The following UBL7 variants were observed in gnomAD, a reference collection of about 807,000 sequenced individuals.
UBL7 encodes ubiquitin-like protein 7.
UBL7 carries 21 observed loss-of-function variants against 41.7 expected under a neutral mutation model. The observed-to-expected ratio is 0.50, with a 90% CI of 0.36 to 0.73. UBL7 has a LOEUF of 0.73. UBL7 is among the 30% of genes least tolerant of loss of function. The pLI, the probability that UBL7 is intolerant of heterozygous loss-of-function variation, is 0.00. For synonymous variants in UBL7, 157 were observed against 186.9 expected (o/e 0.84, Z 1.31); for missense variants, 403 against 478.4 (o/e 0.84, Z 1.47).
chr15:74,452,183 G>T, intron 4 of UBL7, 113 bp downstream of exon 4: 1 of 1,123,642 alleles, frequency 8.9e-7, no homozygotes, highest in Non-Finnish European at 1.3e-6. Flanking sequence ...AACTCCCCAA[G>T]GAACTCTTGG....
intron 6 of UBL7, 90 bp from the exon 7 acceptor site, chr15:74,450,159 G>GCAGC (rs2141314436): frequency 7.1e-7 from 1 of 1,414,570 alleles, no homozygotes; most frequent in Admixed American, 2.6e-5. Context: ...TCACAACAAT[G>GCAGC]CAGCCACCTG....
chr15:74,459,890 G>C (rs918268733), intron 1 of UBL7, among the ~76,000 whole-genome samples: 1 of 123,358 alleles, frequency 8.1e-6, no homozygotes, highest in South Asian at 2.7e-4. Flanking sequence ...CCAAGATCAC[G>C]TCACTGCACT....
In UBL7 at chr15:74,446,356, A is replaced by G; in HGVS notation, c.1006-129T>C. On this transcript the variant is annotated intron_variant, in intron 10 of 10. Transcript: ENST00000395081. This position sits in a 1 kb window ranked among gnomAD's most constrained non-coding sequence, Gnocchi z 4.1. Reference sequence around the variant, plus strand: ...AGCAAAGCTGCTGATGCTGAGTTCCACAGAACACGGTGCTTCTAGGAAGAC... The same window carrying G: ...AGCAAAGCTGCTGATGCTGAGTTCCGCAGAACACGGTGCTTCTAGGAAGAC... 8.3e-7 allele frequency: 1 copy of G among 1,200,552 alleles called. No individual in the cohort carries two copies. The highest frequency in any genetic ancestry group is 1.5e-5 in the South Asian group (1 of 67,092). 74.4% of individuals were successfully genotyped at this position (1,200,552 alleles called of 1,614,324 possible).
intron 2 of UBL7, 87 bp downstream of exon 2, chr15:74,458,597 G>T: frequency 8.5e-7 from 1 of 1,179,036 alleles, no homozygotes; most frequent in Non-Finnish European, 1.2e-6. Flanking sequence ...CAAATCCCAA[G>T]CCCTTACTTT....
chr15:74,453,042 C>T (rs1198324958), intron 3 of UBL7, among the ~76,000 whole-genome samples: 1 of 152,130 alleles, frequency 6.6e-6, no homozygotes, highest in Non-Finnish European at 1.5e-5. Flanking sequence ...TATGGTTATC[C>T]TCACGAAGGA....
At chr15:74,452,429 C>T (rs1243599840) in intron 3 of UBL7, 51 bp from the exon 4 acceptor site, 2 of 1,524,994 alleles carry the variant, frequency 1.3e-6, no homozygotes, top group East Asian at 2.5e-5. Flanking sequence ...CCTGTCTCTG[C>T]CACAGACATG....
Position 74,446,295 on chromosome 15 carries a change from C to T in UBL7, c.1006-68G>A. The T allele has an allele frequency of 6.3e-7, 1 of 1,582,252 alleles. No individual in the cohort carries two copies. The highest frequency in any genetic ancestry group is 1.8e-5 in the Admixed American group (1 of 57,070). ...CAGTGAAGACTCACTTAGGTCTGTG[C>T]TTTCCGGGGAAGGAAAGGAAGATGG... On this transcript the variant is annotated intron_variant, in intron 10 of 10. Transcript: ENST00000395081. This position sits in a 1 kb window ranked among gnomAD's most constrained non-coding sequence, Gnocchi z 4.1.
chr15:74,453,985 G>A (rs2061272427), intron 3 of UBL7, among the ~76,000 whole-genome samples: 1 of 152,218 alleles, frequency 6.6e-6, no homozygotes, highest in Admixed American at 6.5e-5. Flanking sequence ...TAAGAGCCAT[G>A]GCTGTCACTG....
chr15:74,455,729 T>C (rs1179383402), intron 3 of UBL7, among the ~76,000 whole-genome samples: 3 of 152,106 alleles, frequency 2.0e-5, no homozygotes. Flanking sequence ...AAGCCAGGAA[T>C]GGTGCCTGTA....
chr15:74,454,340 A>G (rs979017049), intron 3 of UBL7, among the ~76,000 whole-genome samples: 10 of 152,330 alleles, frequency 6.6e-5, no homozygotes, highest in Admixed American at 3.3e-4. Context: ...TGCTCAGTAC[A>G]GAGAGAAGAA....
intron 7 of UBL7, 64 bp from the exon 8 acceptor site, chr15:74,449,739 T>A: frequency 6.2e-7 from 1 of 1,602,932 alleles, no homozygotes; most frequent in Non-Finnish European, 8.5e-7. Context: ...CTCCAGAATC[T>A]CAGCTCAAGT....
chr15:74,449,414 C>T, intron 8 of UBL7, 61 bp from the exon 9 acceptor site: 5 of 1,586,762 alleles, frequency 3.2e-6, no homozygotes, highest in Admixed American at 3.5e-5. Context: ...AGATGAACTC[C>T]ACCCACCTCC....
intron 10 of UBL7, among the ~76,000 whole-genome samples, 164 bp downstream of exon 10, chr15:74,448,314 T>G (rs1171633354): frequency 1.3e-5 from 2 of 152,074 alleles, no homozygotes; most frequent in African/African-American, 2.4e-5. Flanking sequence ...GGTCTGAGAG[T>G]GTGCCCTTGC....
intron 10 of UBL7, among the ~76,000 whole-genome samples, chr15:74,447,298 G>A (rs942901475): frequency 9.2e-5 from 14 of 152,320 alleles, no homozygotes; most frequent in African/African-American, 2.6e-4. Context: ...TTACTATGTG[G>A]AATAGAGGAA....
chr15:74,460,613 C>A (rs1407611532), intron 1 of UBL7: 2 of 1,136,202 alleles, frequency 1.8e-6, no homozygotes, highest in Non-Finnish European at 2.3e-6. Context: ...CACCCCAATT[C>A]TTGAATGCCC....
At chr15:74,454,395 AG>A (rs1333895015) in intron 3 of UBL7, among the ~76,000 whole-genome samples, 1 of 151,552 alleles carries the variant, frequency 6.6e-6, no homozygotes, top group Non-Finnish European at 1.5e-5. Context: ...AGAGGATATT[AG>A]AAAGGACTTT....
chr15:74,460,206 C>A (rs909434926), intron 1 of UBL7, among the ~76,000 whole-genome samples: 2 of 152,138 alleles, frequency 1.3e-5, no homozygotes. Flanking sequence ...AGCGCCACTG[C>A]ACTCCAGCTT....
chr15:74,460,532 C>T (rs2061338811), intron 1 of UBL7: 1 of 451,810 alleles, frequency 2.2e-6, no homozygotes. Flanking sequence ...CCTCAGTCCC[C>T]TCTCTTTCCT....
At chr15:74,448,375 T>G (rs1267204608) in intron 10 of UBL7, 103 bp downstream of exon 10, 77 of 1,542,430 alleles carry the variant, frequency 5.0e-5, no homozygotes, top group Non-Finnish European at 6.4e-5. Flanking sequence ...GTTCCTAGAA[T>G]GAAGCATGCC....
Sources: gnomAD v4.1 joint callset for allele counts (sites outside exome capture counted in the v4.1 genomes callset) on GRCh38, gnomAD v4.1.1 for gene constraint, Gnocchi (gnomAD v3.1) non-coding constraint, MANE v1.5 for transcripts, NCBI Gene and HGNC (gene_info 2026-07-23, HGNC 2026-07-21) for gene names.